The following VRK1 variants were observed in gnomAD, a reference collection of about 807,000 sequenced individuals.
VRK1 encodes the protein VRK serine/threonine kinase 1, also known as serine/threonine-protein kinase VRK1.
A neutral mutation model predicts 57.1 loss-of-function variants in VRK1; 33 were observed. The observed-to-expected ratio is 0.58, with a 90% CI of 0.44 to 0.77. The LOEUF (loss-of-function observed/expected upper bound fraction) is 0.77, where lower values mean the gene tolerates loss of function less well. Among genes scored for constraint, VRK1 ranks in the 30% least tolerant of loss-of-function variants. The pLI is 0.00. For missense variants in VRK1, 413 were observed against 477.3 expected, an observed-to-expected ratio of 0.87 and a Z score of 1.25; for synonymous variants, 137 against 147.8, an observed-to-expected ratio of 0.93 and a Z score of 0.53.
intron 11 of VRK1, among the ~76,000 whole-genome samples, chr14:96,874,797 G>T (rs570055015): frequency 6.6e-6 from 1 of 152,290 alleles, no homozygotes; most frequent in Admixed American, 6.5e-5. Flanking sequence ...GCCTTGAATA[G>T]AGTTCAGCTT....
intron 1 of VRK1, among the ~76,000 whole-genome samples, chr14:96,831,464 T>C (rs2139743574): frequency 6.6e-6 from 1 of 152,350 alleles, no homozygotes; most frequent in Admixed American, 6.5e-5. Context: ...TCTGTGGGAC[T>C]ATTTTTAGGA....
rs1171774715 is a variant in VRK1 at position 96,860,602 on chromosome 14, C to G, written c.935C>G (p.Thr312Ser). 1 of 1,613,022 alleles carries G rather than the reference C, an allele frequency of 6.2e-7. No individual in the cohort carries two copies. Among genetic ancestry groups the G allele is most frequent in the East Asian group, 2.2e-5 (1 of 44,716 alleles). ...YMETVKLLDY[T>S]EKPLYENLRD... ...GAAACAGTGAAATTACTAGACTACA[C>G]TGAAAAACCTCTTTATGAAAATTTA... The change falls in exon 11 of 13, where the codon ACT becomes AGT. Residue 312 changes from threonine to serine, a missense_variant. Thr to Ser is a moderately conservative substitution (Grantham distance 58, BLOSUM62 1). Coordinates refer to ENST00000216639, the MANE Select transcript of VRK1 (RefSeq NM_003384.3).
At chr14:96,875,462 T>G (rs979540783) in intron 11 of VRK1, among the ~76,000 whole-genome samples, 1 of 152,252 alleles carries the variant, frequency 6.6e-6, no homozygotes, top group African/African-American at 2.4e-5. Flanking sequence ...TCTTAAACTT[T>G]TAATAAAAAG....
intron 1 of VRK1, among the ~76,000 whole-genome samples, chr14:96,804,094 C>T (rs893794074): frequency 6.6e-6 from 1 of 152,188 alleles, no homozygotes; most frequent in Non-Finnish European, 1.5e-5. Context: ...CTCTGCCTAA[C>T]TCTAGGTCAG....
At chr14:96,807,743 AC>A (rs1195939284) in intron 1 of VRK1, among the ~76,000 whole-genome samples, 2 of 152,116 alleles carry the variant, frequency 1.3e-5, no homozygotes, top group African/African-American at 4.8e-5. Context: ...TTGGGGTCCA[AC>A]CATGGGAGCT....
chr14:96,853,151 C>A lies in VRK1; in HGVS notation c.561C>A (p.Tyr187Ter). 6.2e-7 allele frequency: 1 copy of A among 1,613,484 alleles called. No individual in the cohort carries two copies. Among genetic ancestry groups the A allele is most frequent in the Non-Finnish European group, 8.5e-7 (1 of 1,179,598 alleles). Residue 187 changes from tyrosine to a stop codon, truncating the protein, a stop_gained, in exon 7 of 13, where the codon TAC becomes TAA. Transcript: ENST00000216639. LOFTEE classifies it high-confidence loss of function. Reference protein sequence around the residue: ...DIKASNLLLNYKNPDQVYLVD... With the variant: ...DIKASNLLLN ...AGGCCTCAAATCTTCTTCTGAACTACAAGAATCCTGACCAGGTAGTTTTAT... is the reference window on the plus strand; with the variant it reads ...AGGCCTCAAATCTTCTTCTGAACTAAAAGAATCCTGACCAGGTAGTTTTAT...
At chr14:96,811,112 G>A (rs1214389886) in intron 1 of VRK1, among the ~76,000 whole-genome samples, 3 of 151,900 alleles carry the variant, frequency 2.0e-5, no homozygotes, top group Non-Finnish European at 4.4e-5. Context: ...TGAATTTTTA[G>A]TGGAGATGGG....
Position 96,855,364 on chromosome 14 carries a change from AG to A in VRK1, c.709+9del. 6.2e-7 allele frequency: 1 copy of A among 1,614,038 alleles called. No individual in the cohort carries two copies. Among genetic ancestry groups the A allele is most frequent in the East Asian group, 2.2e-5 (1 of 44,866 alleles). ...ATGCACACAATGGCGTGGGTATGTC[AG>A]TAGTACTGGAGTGAGAAATAGACTG... is the stretch of plus-strand genomic sequence containing the variant. On this transcript the variant is annotated intron_variant, in intron 8 of 12. Coordinates refer to ENST00000216639, the MANE Select transcript of VRK1 (RefSeq NM_003384.3).
chr14:96,868,715 C>A (rs1238101770), intron 11 of VRK1, among the ~76,000 whole-genome samples: 2 of 151,702 alleles, frequency 1.3e-5, no homozygotes, highest in African/African-American at 4.8e-5. Flanking sequence ...ATAAGAAGTA[C>A]TCAAAATTGA....
At chr14:96,865,581 T>G (rs1888553174) in intron 11 of VRK1, among the ~76,000 whole-genome samples, 1 of 152,202 alleles carries the variant, frequency 6.6e-6, no homozygotes, top group South Asian at 2.1e-4. Context: ...TGACTAAAGT[T>G]GACTTTACTC....
At chr14:96,816,043 A>G (rs1393948343) in intron 1 of VRK1, among the ~76,000 whole-genome samples, 1 of 152,162 alleles carries the variant, frequency 6.6e-6, no homozygotes, top group Non-Finnish European at 1.5e-5. Flanking sequence ...GAAAATGTAC[A>G]GAAGGAACCT....
At chr14:96,835,895 T>C (rs1887192463) in intron 2 of VRK1, among the ~76,000 whole-genome samples, 2 of 152,196 alleles carry the variant, frequency 1.3e-5, no homozygotes, top group African/African-American at 4.8e-5. Flanking sequence ...CACCATTGTT[T>C]TCAGTATGGC....
intron 11 of VRK1, among the ~76,000 whole-genome samples, chr14:96,862,312 TA>T (rs1156324354): frequency 6.6e-6 from 1 of 152,200 alleles, no homozygotes; most frequent in African/African-American, 2.4e-5. Context: ...AAGCTTCATT[TA>T]GGGGAAAAAA....
intron 11 of VRK1, among the ~76,000 whole-genome samples, chr14:96,873,666 T>C (rs746420540): frequency 2.0e-5 from 3 of 152,166 alleles, no homozygotes; most frequent in Non-Finnish European, 2.9e-5. Context: ...CTAAGGATGT[T>C]GACAAATAAC....
intron 1 of VRK1, among the ~76,000 whole-genome samples, chr14:96,827,359 G>T (rs890030386): frequency 6.6e-6 from 1 of 152,138 alleles, no homozygotes; most frequent in Non-Finnish European, 1.5e-5. Flanking sequence ...AGCAGAGAAA[G>T]TGCTTCTCTT....
At chr14:96,874,583 T>G (rs1888954226) in intron 11 of VRK1, among the ~76,000 whole-genome samples, 1 of 152,202 alleles carries the variant, frequency 6.6e-6, no homozygotes, top group Non-Finnish European at 1.5e-5. Flanking sequence ...TATACAAATC[T>G]GCTAAATGAA....
intron 10 of VRK1, among the ~76,000 whole-genome samples, chr14:96,858,196 A>G (rs1888244053): frequency 6.6e-6 from 1 of 151,954 alleles, no homozygotes. Context: ...AGCTCAAGAG[A>G]TCTTCCCACC....
At chr14:96,832,213 T>C (rs538337579) in intron 1 of VRK1, among the ~76,000 whole-genome samples, 1 of 152,240 alleles carries the variant, frequency 6.6e-6, no homozygotes, top group South Asian at 2.1e-4. Context: ...AAAATTCCAG[T>C]TGAATCTAGT....
intron 1 of VRK1, among the ~76,000 whole-genome samples, chr14:96,815,004 A>G (rs1446657909): frequency 6.6e-6 from 1 of 152,230 alleles, no homozygotes; most frequent in African/African-American, 2.4e-5. Context: ...TATATTTGAC[A>G]GTACGTGAGT....
Sources: gnomAD v4.1 joint callset for allele counts (sites outside exome capture counted in the v4.1 genomes callset) on GRCh38, gnomAD v4.1.1 for gene constraint, MANE v1.5 for transcripts, NCBI Gene and HGNC (gene_info 2026-07-23, HGNC 2026-07-21) for gene names.